Variants in TLDC2 observed in about 807,000 individuals in gnomAD.
TLDC2 encodes the protein TLD domain-containing protein 2.
A neutral mutation model predicts 27.9 loss-of-function variants in TLDC2; 23 were observed. That is an observed-to-expected ratio of 0.82 (90% CI 0.59 to 1.17). TLDC2 has a LOEUF of 1.17. TLDC2 is among the 50% of genes most tolerant of loss of function. The pLI, the probability that TLDC2 is intolerant of heterozygous loss-of-function variation, is 0.00. For missense variants in TLDC2, 286 were observed against 273.4 expected (o/e 1.05, Z -0.32); for synonymous variants, 124 against 107.4 (o/e 1.16, Z -0.96).
chr20:36,882,049 G>A (rs1166232169), intron 4 of TLDC2, among the ~76,000 whole-genome samples: 2 of 152,172 alleles, frequency 1.3e-5, no homozygotes, highest in Admixed American at 6.5e-5. Flanking sequence ...CAGAGCTCAG[G>A]TTTCTAATTA....
At chr20:36,887,690 C>A (rs922238028) in intron 5 of TLDC2, among the ~76,000 whole-genome samples, 162 bp downstream of exon 5, 1 of 152,206 alleles carries the variant, frequency 6.6e-6, no homozygotes, top group African/African-American at 2.4e-5. Flanking sequence ...ACCCCCTCAA[C>A]CTCACGCTAA....
At chr20:36,887,414 G>A (rs368488951) in intron 4 of TLDC2, 41 bp from the exon 5 acceptor site, 2 of 1,575,404 alleles carry the variant, frequency 1.3e-6, no homozygotes, top group African/African-American at 1.4e-5. Flanking sequence ...GGCGGGACTC[G>A]CTCGCTTAGT....
intron 3 of TLDC2, 28 bp downstream of exon 3, chr20:36,879,221 G>A (rs374348430): frequency 2.5e-6 from 4 of 1,597,234 alleles, no homozygotes; most frequent in Admixed American, 3.4e-5. Flanking sequence ...ACCACCCGAG[G>A]CTCTGGGGGC....
At position 36,879,208 on chromosome 20, in the gene TLDC2, G is replaced by T. The variant is rs772835604; in HGVS notation, c.342+15G>T. On this transcript the variant is annotated intron_variant, in intron 3 of 6. Coordinates refer to ENST00000217320, the MANE Select transcript of TLDC2 (RefSeq NM_080628.3). ...AGGACGGGCAGGTGAGCTGGGCAGG[G>T]GCACCACCCGAGGCTCTGGGGGCAC... 1 of 1,607,924 alleles carries T rather than the reference G, an allele frequency of 6.2e-7. No individual in the cohort carries two copies. The highest frequency in any genetic ancestry group is 8.5e-7 in the Non-Finnish European group (1 of 1,177,986).
chr20:36,886,602 GA>G (rs879553334), intron 4 of TLDC2, among the ~76,000 whole-genome samples: 262 of 152,102 alleles, frequency 1.7e-3, no homozygotes, highest in Middle Eastern at 3.4e-3. Context: ...AAAAGAGAGA[GA>G]AAAAAAATTT....
At chr20:36,886,237 T>A (rs1445844258) in intron 4 of TLDC2, among the ~76,000 whole-genome samples, 7 of 152,014 alleles carry the variant, frequency 4.6e-5, no homozygotes, top group Admixed American at 4.6e-4. Flanking sequence ...AAGTGATCCT[T>A]CCACCTTAGC....
chr20:36,887,763 TTA>T, intron 5 of TLDC2, among the ~76,000 whole-genome samples: 1 of 152,268 alleles, frequency 6.6e-6, no homozygotes, highest in Non-Finnish European at 1.5e-5. Flanking sequence ...TGGTGACAGT[TTA>T]GTCTGAATGT....
intron 4 of TLDC2, among the ~76,000 whole-genome samples, chr20:36,884,875 C>CCT (rs755668093): frequency 4.8e-5 from 5 of 103,228 alleles, no homozygotes; most frequent in African/African-American, 1.5e-4. Context: ...CACAGAAATT[C>CCT]TTTTTTTTTT....
At chr20:36,876,279 C>A in intron 1 of TLDC2, 72 bp downstream of exon 1, 1 of 1,601,266 alleles carries the variant, frequency 6.2e-7, no homozygotes, top group Non-Finnish European at 8.6e-7. Context: ...CAGGGTGGGG[C>A]CTGGGCTAGG....
At chr20:36,887,431 A>T (rs750833556) in intron 4 of TLDC2, 24 bp from the exon 5 acceptor site, 1 of 1,605,544 alleles carries the variant, frequency 6.2e-7, no homozygotes, top group Non-Finnish European at 8.5e-7. Context: ...TAGTAACCTG[A>T]GCCTTTCCCT....
intron 4 of TLDC2, among the ~76,000 whole-genome samples, chr20:36,886,929 T>C (rs1462088791): frequency 6.6e-6 from 1 of 152,116 alleles, no homozygotes; most frequent in Admixed American, 6.5e-5. Flanking sequence ...ATCACGCAGA[T>C]TGCAGTGTGG....
chr20:36,888,392 C>T (rs1010630423), intron 5 of TLDC2, among the ~76,000 whole-genome samples: 3 of 151,718 alleles, frequency 2.0e-5, no homozygotes, highest in South Asian at 2.1e-4. Context: ...CCACCACGTC[C>T]GGCTAATTTT....
intron 4 of TLDC2, among the ~76,000 whole-genome samples, chr20:36,881,313 G>A (rs1235707435): frequency 1.3e-5 from 2 of 151,948 alleles, no homozygotes; most frequent in Non-Finnish European, 2.9e-5. Flanking sequence ...CCGGGAGGTT[G>A]AGGCTGTGGT....
chr20:36,881,571 G>A (rs920044220), intron 4 of TLDC2, among the ~76,000 whole-genome samples: 1 of 152,222 alleles, frequency 6.6e-6, no homozygotes, highest in African/African-American at 2.4e-5. Flanking sequence ...CAGTGCATCG[G>A]CTGCTCGGCG....
chr20:36,885,166 C>T (rs928623870), intron 4 of TLDC2, among the ~76,000 whole-genome samples: 3 of 152,150 alleles, frequency 2.0e-5, no homozygotes, highest in African/African-American at 4.8e-5. Context: ...CGTGAGCCAC[C>T]GTGCCCGGCC....
Position 36,893,705 on chromosome 20 carries a change from G to A in TLDC2, c.*861G>A, listed in dbSNP as rs1299870068. The A allele has an allele frequency of 5.1e-6, 2 of 392,546 alleles. No individual in the cohort carries two copies. Among genetic ancestry groups the A allele is most frequent in the African/African-American group, 2.1e-5 (1 of 48,462 alleles). The allele number at this position is 392,546 out of a possible 1,614,324, so 24.3% of individuals were successfully genotyped here. Reference sequence around the variant, plus strand: ...CTGAACTTGTGGGTAGATCTTCTTTGGTTACAAGATGATGCACGATCTTGG... The same window carrying A: ...CTGAACTTGTGGGTAGATCTTCTTTAGTTACAAGATGATGCACGATCTTGG... On this transcript the variant is annotated 3_prime_UTR_variant, in exon 7 of 7. Coordinates refer to ENST00000217320, the MANE Select transcript of TLDC2 (RefSeq NM_080628.3).
intron 6 of TLDC2, chr20:36,890,396 C>CCCTTTCTTTTCTTTCTTTCTT (rs143176006): frequency 1.4e-5 from 2 of 142,450 alleles, no homozygotes; most frequent in Non-Finnish European, 3.1e-5. Context: ...ATATTTCTTT[C>CCCTTTCTTTTCTTTCTTTCTT]TCTTTCTTTC....
Position 36,879,156 on chromosome 20 carries a change from G to A in TLDC2, c.305G>A (p.Gly102Glu), listed in dbSNP as rs1220691849. The change falls in exon 3 of 7, where the codon GGG (glycine) becomes GAG (glutamate). Residue 102 changes from glycine (G) to glutamate (E), a missense_variant. Gly to Glu is a moderately conservative substitution (Grantham distance 98). Transcript: ENST00000217320. ...SLYRRMEGCS[G>E]PVLLVLRDQD... ...TACCGGCGGATGGAGGGCTGCAGCG[G>A]GCCAGTGCTGCTGGTGCTCAGGGAC... is the stretch of plus-strand genomic sequence containing the variant. 1 of 1,613,956 alleles carries A rather than the reference G, an allele frequency of 6.2e-7. No homozygotes were observed. Among genetic ancestry groups the A allele is most frequent in the Admixed American group, 1.7e-5 (1 of 60,022 alleles).
intron 1 of TLDC2, among the ~76,000 whole-genome samples, chr20:36,877,410 A>C (rs1288825288): frequency 1.3e-5 from 2 of 151,884 alleles, no homozygotes; most frequent in South Asian, 4.1e-4. Flanking sequence ...AAAAGAAAAA[A>C]GAAGAAGAAA....
Sources: allele counts gnomAD v4.1 joint callset (sites outside exome capture counted in the v4.1 genomes callset), GRCh38; gene constraint gnomAD v4.1.1; transcripts MANE v1.5; gene names NCBI Gene and HGNC (gene_info 2026-07-23, HGNC 2026-07-21).